Variants in METTL24 observed in about 807,000 individuals in gnomAD.
METTL24 encodes the protein methyltransferase like 24, also known as probable methyltransferase-like protein 24.
METTL24 carries 29 observed loss-of-function variants against 32.7 expected under a neutral mutation model. That is an observed-to-expected ratio of 0.89 (90% CI 0.66 to 1.21). The LOEUF (loss-of-function observed/expected upper bound fraction) is 1.21, where lower values mean the gene tolerates loss of function less well. Ranked by LOEUF, METTL24 falls within the 50% of genes most tolerant of loss-of-function variation. The probability of loss-of-function intolerance (pLI) is 0.00; values close to 1 mark genes in which losing one functional copy is unlikely to be tolerated. For missense variants in METTL24, 439 were observed against 468.1 expected (o/e 0.94, Z 0.57); for synonymous variants, 163 against 179.5 (o/e 0.91, Z 0.73).
chr6:110,304,837 C>G (rs1440703231), intron 3 of METTL24, among the ~76,000 whole-genome samples: 3 of 152,020 alleles, frequency 2.0e-5, no homozygotes, highest in Non-Finnish European at 4.4e-5. Flanking sequence ...AGAAGAGCAA[C>G]GCCAAGACAC....
intron 4 of METTL24, among the ~76,000 whole-genome samples, chr6:110,272,977 C>G (rs1463600689): frequency 1.6e-4 from 25 of 151,902 alleles, no homozygotes; most frequent in Admixed American, 1.6e-3. Context: ...AATTAGGTCC[C>G]AATTATTTAT....
intron 4 of METTL24, among the ~76,000 whole-genome samples, chr6:110,293,158 T>C (rs528697665): frequency 3.3e-5 from 5 of 152,166 alleles, no homozygotes; most frequent in Admixed American, 1.3e-4. Context: ...ATTTGGAACA[T>C]GTTAAATCAG....
rs539081272 is a variant in METTL24, at chr6:110,244,381, G to C, written c.*1565C>G. ...TGAGTTGAAGCTCTTTTTTTTTTCT[G>C]TGAACAAATAAACTTTATTCAGGTA... On this transcript the variant is annotated 3_prime_UTR_variant, in exon 5 of 5. Transcript: ENST00000338882. Among the ~76,000 whole-genome samples, 2 of 151,242 alleles carry C rather than the reference G, an allele frequency of 1.3e-5. No homozygotes were observed. The highest frequency in any genetic ancestry group is 4.8e-5 in the African/African-American group (2 of 41,274).
intron 4 of METTL24, among the ~76,000 whole-genome samples, chr6:110,275,343 CTG>C (rs1002474023): frequency 6.6e-6 from 1 of 152,104 alleles, no homozygotes; most frequent in African/African-American, 2.4e-5. Flanking sequence ...AAATTACCCT[CTG>C]TGCCAGCCAT....
chr6:110,333,816 T>G (rs1405103482), intron 1 of METTL24, among the ~76,000 whole-genome samples: 1 of 152,240 alleles, frequency 6.6e-6, no homozygotes, highest in Non-Finnish European at 1.5e-5. Context: ...TATAAACTTT[T>G]CCCTTCAATA....
At chr6:110,308,131 T>G (rs1771657000) in intron 3 of METTL24, among the ~76,000 whole-genome samples, 1 of 152,196 alleles carries the variant, frequency 6.6e-6, no homozygotes, top group Non-Finnish European at 1.5e-5. Flanking sequence ...TGAACAACTC[T>G]GGGAGATGTC....
chr6:110,271,921 C>T (rs1401586427), intron 4 of METTL24, among the ~76,000 whole-genome samples: 2 of 152,060 alleles, frequency 1.3e-5, no homozygotes, highest in Non-Finnish European at 2.9e-5. Flanking sequence ...TTATACCAAG[C>T]CCTATAGGAA....
intron 4 of METTL24, among the ~76,000 whole-genome samples, chr6:110,288,496 T>G (rs1771263432): frequency 6.6e-6 from 1 of 152,150 alleles, no homozygotes; most frequent in South Asian, 2.1e-4. Context: ...CTACGACAAC[T>G]GGCTCACAAG....
intron 1 of METTL24, among the ~76,000 whole-genome samples, chr6:110,344,305 A>G (rs1204444791): frequency 6.6e-6 from 1 of 152,134 alleles, no homozygotes; most frequent in African/African-American, 2.4e-5. Context: ...AAACTCTAGC[A>G]CGAGAGTCTC....
intron 1 of METTL24, 134 bp from the exon 2 acceptor site, chr6:110,323,006 G>T (rs1771956795): frequency 3.4e-6 from 2 of 592,742 alleles, no homozygotes; most frequent in Non-Finnish European, 5.9e-6. Flanking sequence ...CAGGCAGCAG[G>T]AGGCTCTTTG....
At chr6:110,318,376 G>GGT (rs1289836039) in intron 2 of METTL24, among the ~76,000 whole-genome samples, 1 of 152,082 alleles carries the variant, frequency 6.6e-6, no homozygotes, top group Non-Finnish European at 1.5e-5. Flanking sequence ...GGCCGGGCGT[G>GGT]GTGGCTCACG....
chr6:110,310,829 G>A (rs2114743035), intron 3 of METTL24, among the ~76,000 whole-genome samples: 1 of 152,296 alleles, frequency 6.6e-6, no homozygotes, highest in Non-Finnish European at 1.5e-5. Context: ...ATTAGAAAGT[G>A]GGGCCATCAG....
intron 4 of METTL24, among the ~76,000 whole-genome samples, chr6:110,274,517 G>A (rs180973954): frequency 2.0e-5 from 3 of 152,240 alleles, no homozygotes; most frequent in Non-Finnish European, 2.9e-5. Context: ...AGAAAGGGTA[G>A]GAGGGTATAA....
At chr6:110,265,165 GAAA>G (rs1770830814) in intron 4 of METTL24, among the ~76,000 whole-genome samples, 1 of 148,368 alleles carries the variant, frequency 6.7e-6, no homozygotes, top group Admixed American at 6.7e-5. Flanking sequence ...AAGAAAGAAA[GAAA>G]GAAAGAAAGA....
At chr6:110,269,292 T>C (rs979351723) in intron 4 of METTL24, among the ~76,000 whole-genome samples, 2 of 152,240 alleles carry the variant, frequency 1.3e-5, no homozygotes, top group Non-Finnish European at 2.9e-5. Flanking sequence ...GATCAAATAG[T>C]ACATATAATT....
chr6:110,305,055 A>T (rs1225189506), intron 3 of METTL24, among the ~76,000 whole-genome samples: 4 of 152,158 alleles, frequency 2.6e-5, no homozygotes, highest in Non-Finnish European at 5.9e-5. Context: ...TGTCCAGCCA[A>T]ACTAAGCTTC....
At chr6:110,343,957 T>C (rs1276819020) in intron 1 of METTL24, among the ~76,000 whole-genome samples, 1 of 152,180 alleles carries the variant, frequency 6.6e-6, no homozygotes, top group Non-Finnish European at 1.5e-5. Context: ...AGCCCCATTA[T>C]TATCAGAATA....
At position 110,358,165 on chromosome 6, in the gene METTL24, G is replaced by C. The variant is rs1407093240; in HGVS notation, c.108C>G (p.Ala36=). The change falls in exon 1 of 5, where the codon GCC becomes GCG. Residue 36 remains alanine (A), a synonymous_variant. Transcript: ENST00000338882. ...GLRLCAELRR[A]GPGSPTRSAP... is the part of the protein sequence containing the mutation. ...CGCTGCGGGTGGGGGACCCGGGCCC[G>C]GCGCGCCGCAGCTCTGCGCAGAGCC... 8.2e-7 allele frequency: 1 copy of C among 1,216,476 alleles called. No homozygotes were observed. The highest frequency in any genetic ancestry group is 1.0e-6 in the Non-Finnish European group (1 of 978,844). The allele number at this position is 1,216,476 out of a possible 1,614,324, so 75.4% of individuals were successfully genotyped here.
At chr6:110,312,401 C>G (rs903152691) in intron 3 of METTL24, among the ~76,000 whole-genome samples, 3 of 152,156 alleles carry the variant, frequency 2.0e-5, no homozygotes, top group African/African-American at 7.2e-5. Flanking sequence ...GCCTGCATCC[C>G]CATGTTTATT....
Sources: gnomAD v4.1 joint callset for allele counts (sites outside exome capture counted in the v4.1 genomes callset) on GRCh38, gnomAD v4.1.1 for gene constraint, MANE v1.5 for transcripts, NCBI Gene and HGNC (gene_info 2026-07-23, HGNC 2026-07-21) for gene names.